Variants in ZFPM2 observed in about 807,000 individuals in gnomAD.
ZFPM2 encodes zinc finger protein ZFPM2.
Under a neutral mutation model 98.6 loss-of-function variants are expected in ZFPM2, and 20 were observed. That is an observed-to-expected ratio of 0.20 (90% CI 0.14 to 0.29). The LOEUF (loss-of-function observed/expected upper bound fraction) is 0.29. Among genes scored for constraint, ZFPM2 ranks in the 10% least tolerant of loss-of-function variants. The probability of loss-of-function intolerance (pLI) is 1.00; values close to 1 mark genes in which losing one functional copy is unlikely to be tolerated. For synonymous variants in ZFPM2, 518 were observed against 502.7 expected (o/e 1.03, Z -0.41); for missense variants, 1,310 against 1,388.6 (o/e 0.94, Z 0.90).
intron 2 of ZFPM2, among the ~76,000 whole-genome samples, chr8:105,423,032 T>C (rs1253590249): frequency 6.7e-6 from 1 of 148,200 alleles, no homozygotes; most frequent in African/African-American, 2.6e-5. Context: ...ACTGATATTA[T>C]CTATGTTCTT....
chr8:105,472,564 G>A (rs189369739), intron 3 of ZFPM2, among the ~76,000 whole-genome samples: 194 of 152,120 alleles, frequency 1.3e-3, no homozygotes, highest in African/African-American at 2.2e-3. Flanking sequence ...GTGCAGTGGC[G>A]TGAACTCGGC....
intron 3 of ZFPM2, among the ~76,000 whole-genome samples, chr8:105,476,653 G>T (rs1004552056): frequency 3.3e-5 from 5 of 152,106 alleles, no homozygotes; most frequent in African/African-American, 1.2e-4. Flanking sequence ...TGTCTATCTT[G>T]CTTACTGTAT....
intron 1 of ZFPM2, among the ~76,000 whole-genome samples, chr8:105,381,539 A>T (rs1479946175): frequency 6.6e-6 from 1 of 152,108 alleles, no homozygotes; most frequent in Non-Finnish European, 1.5e-5. Context: ...AGTTCAAATC[A>T]TATAAGTTAT....
chr8:105,531,927 G>T (rs1048304229), intron 3 of ZFPM2, among the ~76,000 whole-genome samples: 2 of 152,040 alleles, frequency 1.3e-5, no homozygotes, highest in Non-Finnish European at 2.9e-5. Context: ...CTGAGACAGG[G>T]TCTTGCTCTG....
At chr8:105,388,833 C>T (rs1458029858) in intron 1 of ZFPM2, among the ~76,000 whole-genome samples, 1 of 152,070 alleles carries the variant, frequency 6.6e-6, no homozygotes, top group African/African-American at 2.4e-5. Context: ...TGCTCAGTTC[C>T]CTGAAATAAA....
chr8:105,462,340 G>A (rs1337301211), intron 3 of ZFPM2, among the ~76,000 whole-genome samples: 3 of 152,014 alleles, frequency 2.0e-5, no homozygotes, highest in Admixed American at 1.3e-4. Flanking sequence ...ACCCTTAAAT[G>A]GTTTACCTGG....
At chr8:105,393,330 C>CTGTCTGTCTTTCTTTCTTTCTT (rs1245789213) in intron 1 of ZFPM2, among the ~76,000 whole-genome samples, 3 of 132,912 alleles carry the variant, frequency 2.3e-5, no homozygotes, top group East Asian at 2.1e-4. Context: ...CCCTCTCTCT[C>CTGTCTGTCTTTCTTTCTTTCTT]TCTTTGCCTT....
At chr8:105,602,715 T>TA (rs1816118235) in intron 4 of ZFPM2, among the ~76,000 whole-genome samples, 2 of 144,606 alleles carry the variant, frequency 1.4e-5, no homozygotes, top group African/African-American at 5.0e-5. Flanking sequence ...GACTTGCTTC[T>TA]GTTATTCTGG....
chr8:105,340,280 G>A (rs530358304), intron 1 of ZFPM2, among the ~76,000 whole-genome samples: 16 of 151,894 alleles, frequency 1.1e-4, no homozygotes, highest in African/African-American at 3.9e-4. Flanking sequence ...AATCTTTGAG[G>A]TCAGTAGCCA....
chr8:105,487,251 G>A (rs1400186646), intron 3 of ZFPM2, among the ~76,000 whole-genome samples: 1 of 152,022 alleles, frequency 6.6e-6, no homozygotes, highest in Admixed American at 6.6e-5. Flanking sequence ...TCGAGTAGCT[G>A]GGACTACAGG....
chr8:105,637,058 T>G (rs1816860449), intron 5 of ZFPM2, among the ~76,000 whole-genome samples: 1 of 152,158 alleles, frequency 6.6e-6, no homozygotes, highest in African/African-American at 2.4e-5. Context: ...GAGTGATACA[T>G]ACTAGAATAT....
intron 1 of ZFPM2, among the ~76,000 whole-genome samples, chr8:105,408,140 G>T (rs1811499295): frequency 6.6e-6 from 1 of 151,898 alleles, no homozygotes; most frequent in South Asian, 2.1e-4. Context: ...GATTGCTTGA[G>T]CAGGGTGGGC....
At chr8:105,520,952 G>A (rs1317048287) in intron 3 of ZFPM2, among the ~76,000 whole-genome samples, 4 of 151,970 alleles carry the variant, frequency 2.6e-5, no homozygotes, top group Admixed American at 1.3e-4. Context: ...AGACTTTGAA[G>A]ACCATCCTCA....
chr8:105,441,884 AGGGAACTTGGT>A (rs2130198458), intron 2 of ZFPM2, among the ~76,000 whole-genome samples: 1 of 152,272 alleles, frequency 6.6e-6, no homozygotes, highest in Non-Finnish European at 1.5e-5. Context: ...GTCAGGCAGA[AGGGAACTTGGT>A]TAGTTCAGGG....
At chr8:105,551,035 A>G (rs1025691685) in intron 3 of ZFPM2, among the ~76,000 whole-genome samples, 1 of 152,218 alleles carries the variant, frequency 6.6e-6, no homozygotes, top group African/African-American at 2.4e-5. Flanking sequence ...TTTTGGAGGT[A>G]TTTTCTGAAA....
At chr8:105,422,892 A>G (rs1224119998) in intron 2 of ZFPM2, among the ~76,000 whole-genome samples, 2 of 152,204 alleles carry the variant, frequency 1.3e-5, no homozygotes, top group African/African-American at 4.8e-5. Context: ...TTCTGAAGAC[A>G]TAGCTTATTA....
At position 105,433,048 on chromosome 8, in the gene ZFPM2, T is replaced by C. The variant is rs375318667; in HGVS notation, c.200-11232T>C. On this transcript the variant is annotated intron_variant, in intron 2 of 7. Transcript: ENST00000407775. ...CCAGGAGTTCAAGGTTACAGTGAAC[T>C]GATTGCATTGTTGCACTCCAGCTTT... Among the ~76,000 whole-genome samples the C allele has an allele frequency of 2.2e-4, 33 of 152,212 alleles. No homozygotes were observed. In the South Asian group the frequency reaches 4.4e-3, roughly 20 times the overall value.
At chr8:105,552,938 T>TAGC (rs1376884708) in intron 3 of ZFPM2, among the ~76,000 whole-genome samples, 6 of 151,398 alleles carry the variant, frequency 4.0e-5, no homozygotes, top group Admixed American at 3.3e-4. Context: ...GCCTCCTGAG[T>TAGC]AGCTGGGACT....
At chr8:105,555,223 T>G (rs1814958545) in intron 3 of ZFPM2, among the ~76,000 whole-genome samples, 1 of 152,152 alleles carries the variant, frequency 6.6e-6, no homozygotes, top group Admixed American at 6.6e-5. Flanking sequence ...CCGTCCTATA[T>G]GCCTCAAATA....
Sources: allele counts gnomAD v4.1 joint callset (sites outside exome capture counted in the v4.1 genomes callset), GRCh38; gene constraint gnomAD v4.1.1; transcripts MANE v1.5; gene names NCBI Gene and HGNC (gene_info 2026-07-23, HGNC 2026-07-21).